Variants in AKAP19 observed in about 807,000 individuals in gnomAD.
AKAP19 encodes A-kinase anchoring protein 19.
the AKAP19 span, among the ~76,000 whole-genome samples, chr2:190,134,930 A>G: frequency 1.3e-5 from 2 of 152,122 alleles, no homozygotes; most frequent in African/African-American, 4.8e-5. Flanking sequence ...CTATAAGTAG[A>G]ATAATTGATA....
the AKAP19 span, among the ~76,000 whole-genome samples, chr2:190,191,459 TTA>T: frequency 2.0e-5 from 3 of 152,314 alleles, no homozygotes; most frequent in East Asian, 5.8e-4. Flanking sequence ...TACAATTTTT[TTA>T]TGTGAACACA....
the AKAP19 span, among the ~76,000 whole-genome samples, chr2:189,962,264 T>A: frequency 6.6e-6 from 1 of 152,170 alleles, no homozygotes; most frequent in African/African-American, 2.4e-5. Context: ...AGGAATAGGC[T>A]CTCTCATATA....
chr2:189,912,913 G>A, the AKAP19 span, among the ~76,000 whole-genome samples: 1 of 152,132 alleles, frequency 6.6e-6, no homozygotes, highest in South Asian at 2.1e-4. Flanking sequence ...CAGAAAAACT[G>A]TTGTAACATA....
the AKAP19 span, among the ~76,000 whole-genome samples, chr2:190,033,677 T>C: frequency 1.2e-4 from 18 of 152,326 alleles, no homozygotes; most frequent in African/African-American, 3.8e-4. Context: ...CTTTGCTGCT[T>C]TTGTATAATT....
the AKAP19 span, among the ~76,000 whole-genome samples, chr2:189,907,019 C>G: frequency 1.3e-5 from 2 of 152,274 alleles, no homozygotes; most frequent in Admixed American, 1.3e-4. Flanking sequence ...TTGCCCTCAT[C>G]TCTCACCTAG....
chr2:189,982,008 T>C, the AKAP19 span, among the ~76,000 whole-genome samples: 1 of 150,670 alleles, frequency 6.6e-6, no homozygotes, highest in Non-Finnish European at 1.5e-5. Context: ...CATGGCATCT[T>C]GCAGGTGTGC....
At chr2:190,077,882 G>A in the AKAP19 span, among the ~76,000 whole-genome samples, 7 of 152,264 alleles carry the variant, frequency 4.6e-5, no homozygotes, top group South Asian at 6.2e-4. Flanking sequence ...TTATTAATGC[G>A]TGACCTTTCT....
At chr2:190,077,861 G>A in the AKAP19 span, among the ~76,000 whole-genome samples, 1 of 152,156 alleles carries the variant, frequency 6.6e-6, no homozygotes, top group African/African-American at 2.4e-5. Flanking sequence ...TCTGGGACTA[G>A]TTTAGTCTGA....
the AKAP19 span, among the ~76,000 whole-genome samples, chr2:189,915,917 A>T: frequency 6.6e-6 from 1 of 152,176 alleles, no homozygotes; most frequent in Non-Finnish European, 1.5e-5. Flanking sequence ...TTCTGTACTT[A>T]TTCAGCATTA....
chr2:190,001,069 G>A, the AKAP19 span, among the ~76,000 whole-genome samples: 42 of 152,130 alleles, frequency 2.8e-4, no homozygotes, highest in African/African-American at 8.9e-4. Flanking sequence ...ATTAAATTCT[G>A]TGGTTCTTCT....
At chr2:190,031,866 T>A in the AKAP19 span, among the ~76,000 whole-genome samples, 1 of 152,202 alleles carries the variant, frequency 6.6e-6, no homozygotes, top group African/African-American at 2.4e-5. Flanking sequence ...AAAAAATTTC[T>A]GAATATGTCT....
the AKAP19 span, among the ~76,000 whole-genome samples, chr2:190,162,595 C>T: frequency 1.3e-5 from 2 of 152,122 alleles, no homozygotes; most frequent in Admixed American, 1.3e-4. Context: ...GGATTTATTT[C>T]TTTTGGGTTC....
chr2:190,198,933 G>A, the AKAP19 span, among the ~76,000 whole-genome samples: 1 of 152,182 alleles, frequency 6.6e-6, no homozygotes, highest in Non-Finnish European at 1.5e-5. Context: ...GTAGGAATGA[G>A]ACATTTAGGA....
chr2:190,124,869 A>G, the AKAP19 span, among the ~76,000 whole-genome samples: 1 of 151,996 alleles, frequency 6.6e-6, no homozygotes, highest in Non-Finnish European at 1.5e-5. Context: ...CTATTTTTTA[A>G]ATTTTTTATT....
the AKAP19 span, among the ~76,000 whole-genome samples, chr2:189,927,948 A>G: frequency 3.3e-5 from 5 of 152,176 alleles, no homozygotes; most frequent in Non-Finnish European, 5.9e-5. Flanking sequence ...CTAGACATTC[A>G]AATGTTGCCA....
chr2:190,187,493 A>G, the AKAP19 span, among the ~76,000 whole-genome samples: 29 of 148,816 alleles, frequency 1.9e-4, no homozygotes, highest in African/African-American at 6.8e-4. Flanking sequence ...TTCCACTGGC[A>G]TATTCCCAAG....
chr2:190,187,020 A>C, the AKAP19 span, among the ~76,000 whole-genome samples: 1 of 152,034 alleles, frequency 6.6e-6, no homozygotes, highest in African/African-American at 2.4e-5. Context: ...TTGTATCTTT[A>C]GTAGAGATGG....
At chr2:190,018,911 T>C in the AKAP19 span, among the ~76,000 whole-genome samples, 1 of 152,088 alleles carries the variant, frequency 6.6e-6, no homozygotes, top group East Asian at 1.9e-4. Flanking sequence ...TTGCTCTGAG[T>C]TTAGGTGGGG....
the AKAP19 span, among the ~76,000 whole-genome samples, chr2:189,889,062 GC>G: frequency 2.0e-5 from 3 of 152,134 alleles, no homozygotes; most frequent in Admixed American, 2.0e-4. Flanking sequence ...TATGATATTG[GC>G]TGTGGGGTTG....
Sources: gnomAD v4.1 joint callset for allele counts (sites outside exome capture counted in the v4.1 genomes callset) on GRCh38, gnomAD v4.1.1 for gene constraint, MANE v1.5 for transcripts, NCBI Gene and HGNC (gene_info 2026-07-23, HGNC 2026-07-21) for gene names.